The following PLCG2 variants were observed in gnomAD, a reference collection of about 807,000 sequenced individuals.
PLCG2 encodes the protein phospholipase C gamma 2, also known as 1-phosphatidylinositol 4,5-bisphosphate phosphodiesterase gamma-2.
PLCG2 carries 69 observed loss-of-function variants against 175.6 expected under a neutral mutation model. That is an observed-to-expected ratio of 0.39 (90% CI 0.32 to 0.48). The LOEUF (loss-of-function observed/expected upper bound fraction) is 0.48. Ranked by LOEUF, PLCG2 falls within the 20% of genes least tolerant of loss-of-function variation. The probability of loss-of-function intolerance (pLI) is 0.91; values close to 1 mark genes in which losing one functional copy is unlikely to be tolerated. For synonymous variants in PLCG2, 827 were observed against 624.0 expected (o/e 1.33, Z -4.85); for missense variants, 1,798 against 1,650.9 (o/e 1.09, Z -1.54).
intron 7 of PLCG2, among the ~76,000 whole-genome samples, chr16:81,878,408 A>G (rs1907919574): frequency 6.6e-6 from 1 of 152,168 alleles, no homozygotes; most frequent in African/African-American, 2.4e-5. Context: ...GCCCATGGGT[A>G]CTGGGTATTA....
intron 7 of PLCG2, among the ~76,000 whole-genome samples, chr16:81,876,733 G>A (rs1265834489): frequency 6.6e-6 from 1 of 152,310 alleles, no homozygotes; most frequent in African/African-American, 2.4e-5. Context: ...GAAGGTCCTG[G>A]GATGTTGCCC....
chr16:81,919,351 G>C (rs572202542), intron 19 of PLCG2, 133 bp from the exon 20 acceptor site: 3 of 648,022 alleles, frequency 4.6e-6, no homozygotes, highest in South Asian at 3.8e-5. Context: ...TTCCATAGGA[G>C]GACTATACCC....
intron 1 of PLCG2, among the ~76,000 whole-genome samples, chr16:81,753,342 G>GTTTTTTTTTTTTTTTT (rs34438350): frequency 1.1e-5 from 1 of 91,124 alleles, no homozygotes; most frequent in South Asian, 4.0e-4. Flanking sequence ...GTCCTGGCAG[G>GTTTTTTTTTTTTTTTT]TTTTTTTTTT....
chr16:81,789,390 A>G (rs1009853899), intron 2 of PLCG2, among the ~76,000 whole-genome samples: 1 of 152,218 alleles, frequency 6.6e-6, no homozygotes, highest in Non-Finnish European at 1.5e-5. Flanking sequence ...TCCTGGGCTC[A>G]AGTGATCCTC....
intron 2 of PLCG2, among the ~76,000 whole-genome samples, chr16:81,840,993 C>A (rs867718502): frequency 1.3e-5 from 2 of 152,270 alleles, no homozygotes; most frequent in Middle Eastern, 3.4e-3. Flanking sequence ...AAACTCTTAT[C>A]TATTGAATAG....
chr16:81,858,876 A>G lies in PLCG2; in HGVS notation c.432-240A>G, dbSNP rs561514279. ...CTAGCTTTTTGGGGATTAAATGACT[A>G]TCATCAGAAGGAATTGACAATGTAA... is the stretch of plus-strand genomic sequence containing the variant. On this transcript the variant is annotated intron_variant, in intron 4 of 32. Transcript: ENST00000564138. 6.6e-5 allele frequency among the ~76,000 whole-genome samples: 10 copies of G among 151,958 alleles called. No individual in the cohort carries two copies. The South Asian group carries it at 1.2e-3, about 19-fold the overall frequency.
intron 2 of PLCG2, among the ~76,000 whole-genome samples, chr16:81,786,425 T>C (rs1910974585): frequency 6.6e-6 from 1 of 152,184 alleles, no homozygotes; most frequent in Non-Finnish European, 1.5e-5. Context: ...AACATGGAAA[T>C]GGCATTCAGG....
chr16:81,877,403 C>T (rs1597368654), intron 7 of PLCG2, among the ~76,000 whole-genome samples: 4 of 152,154 alleles, frequency 2.6e-5, no homozygotes, highest in African/African-American at 7.2e-5. Context: ...TACAGTGAGC[C>T]GAGATTGCGC....
chr16:81,930,860 TATGTA>T (rs1910472509), intron 24 of PLCG2, among the ~76,000 whole-genome samples: 1 of 152,176 alleles, frequency 6.6e-6, no homozygotes, highest in Admixed American at 6.5e-5. Context: ...CACAAAATTT[TATGTA>T]TTGTATGTAA....
At chr16:81,780,138 A>G (rs1269857437) in intron 1 of PLCG2, among the ~76,000 whole-genome samples, 1 of 151,878 alleles carries the variant, frequency 6.6e-6, no homozygotes, top group African/African-American at 2.4e-5. Flanking sequence ...AACTAGGGTG[A>G]GAAACTATGG....
chr16:81,811,102 G>C (rs111407264), intron 2 of PLCG2, among the ~76,000 whole-genome samples: 14,318 of 152,178 alleles, frequency 0.094, 711 homozygotes, highest in South Asian at 0.1. Flanking sequence ...GAGGTGTTCA[G>C]TGTGCTGGGG....
intron 2 of PLCG2, among the ~76,000 whole-genome samples, chr16:81,822,367 A>G (rs1274735650): frequency 1.3e-5 from 2 of 152,198 alleles, no homozygotes; most frequent in African/African-American, 4.8e-5. Context: ...TACTTGGTAA[A>G]GAGGACCTTG....
In PLCG2 at chr16:81,910,799, C is replaced by T. The variant is rs547415912; in HGVS notation, c.1934+79C>T. On this transcript the variant is annotated intron_variant, in intron 18 of 32. Transcript: ENST00000564138. The stretch of plus-strand genomic sequence containing the variant: ...AGGCAGAGAAGCTGGCCTGGTGGTT[C>T]AGCCGGGCCAGTCCCCCAGGACACC... 2,480 of 1,338,760 alleles carry T rather than the reference C, an allele frequency of 1.9e-3. 9 individuals carry two copies. Among genetic ancestry groups the T allele is most frequent in the Non-Finnish European group, 2.2e-3 (2,127 of 945,680 alleles). 82.9% of individuals were successfully genotyped at this position (1,338,760 alleles called of 1,614,324 possible). A position where few individuals can be genotyped will look rare whatever the true frequency, so the allele number is the denominator to read the frequency against.
At chr16:81,948,868 T>C (rs1911257007) in intron 31 of PLCG2, among the ~76,000 whole-genome samples, 1 of 152,110 alleles carries the variant, frequency 6.6e-6, no homozygotes, top group African/African-American at 2.4e-5. Context: ...GAAGACAGAC[T>C]AAGGTACACA....
chr16:81,804,245 T>C (rs1379979056), intron 2 of PLCG2, among the ~76,000 whole-genome samples: 2 of 152,254 alleles, frequency 1.3e-5, no homozygotes, highest in African/African-American at 4.8e-5. Context: ...ATCACCATCC[T>C]AGTGGAGGTG....
chr16:81,762,384 C>T (rs954958468), intron 2 of PLCG2, among the ~76,000 whole-genome samples: 6 of 151,848 alleles, frequency 4.0e-5, no homozygotes, highest in Non-Finnish European at 5.9e-5. Context: ...GCCTGGCCAA[C>T]ATGGGAATAT....
Position 81,958,955 on chromosome 16 carries a change from G to C in PLCG2, c.*957G>C. ...TGAGCTTTAATGGGCTAAGCATTAG[G>C]GTGTTACAGAAAATTTCAAATGCAG... On this transcript the variant is annotated 3_prime_UTR_variant, in exon 33 of 33. Coordinates refer to ENST00000564138, the MANE Select transcript of PLCG2 (RefSeq NM_002661.5). 1 of 223,248 alleles carries C rather than the reference G, an allele frequency of 4.5e-6. No homozygotes were observed. Among genetic ancestry groups the C allele is most frequent in the Non-Finnish European group, 8.9e-6 (1 of 111,780 alleles). The allele number at this position is 223,248 out of a possible 1,614,324, so 13.8% of individuals were successfully genotyped here. A position where few individuals can be genotyped will look rare whatever the true frequency, so the allele number is the denominator to read the frequency against.
intron 18 of PLCG2, 61 bp downstream of exon 18, chr16:81,910,781 G>A (rs948643278): frequency 1.1e-4 from 161 of 1,484,804 alleles, no homozygotes; most frequent in Non-Finnish European, 1.3e-4. Context: ...ACCAGGCAGA[G>A]AAGCTGGCCT....
At position 81,844,483 on chromosome 16, in the gene PLCG2, G is replaced by A. The variant is rs140383644; in HGVS notation, c.194-9961G>A. On this transcript the variant is annotated intron_variant, in intron 2 of 32. Coordinates refer to ENST00000564138, the MANE Select transcript of PLCG2 (RefSeq NM_002661.5). ...ATTACAGGTGCATGCCCCCATGCCC[G>A]GCTAATTTTTGTATTTTTGGTAGAG... is the stretch of plus-strand genomic sequence containing the variant. 1.9e-3 allele frequency among the ~76,000 whole-genome samples: 296 copies of A among 152,052 alleles called. 1 individual carries two copies. Among genetic ancestry groups the A allele is most frequent in the Admixed American group, 5.0e-3 (76 of 15,276 alleles).
Sources: allele counts gnomAD v4.1 joint callset (sites outside exome capture counted in the v4.1 genomes callset), GRCh38; gene constraint gnomAD v4.1.1; transcripts MANE v1.5; gene names NCBI Gene and HGNC (gene_info 2026-07-23, HGNC 2026-07-21).